The following DACH1 variants were observed in gnomAD, a reference collection of about 807,000 sequenced individuals.
DACH1 encodes dachshund homolog 1.
Under a neutral mutation model 54.2 loss-of-function variants are expected in DACH1, and 12 were observed. The observed-to-expected ratio is 0.22, with a 90% CI of 0.14 to 0.36. The LOEUF is 0.36. DACH1 is among the 10% of genes least tolerant of loss of function. The pLI is 1.00. For missense variants in DACH1, 805 were observed against 929.8 expected, an observed-to-expected ratio of 0.87 and a Z score of 1.75; for synonymous variants, 386 against 366.2, an observed-to-expected ratio of 1.05 and a Z score of -0.62.
chr13:71,700,507 G>T (rs1357251675), intron 1 of DACH1, among the ~76,000 whole-genome samples: 1 of 138,984 alleles, frequency 7.2e-6, no homozygotes, highest in East Asian at 2.2e-4. Flanking sequence ...AGTAAGCAGA[G>T]ATCGCACCAC....
intron 10 of DACH1, among the ~76,000 whole-genome samples, chr13:71,453,120 T>C (rs1226395785): frequency 6.6e-6 from 1 of 152,174 alleles, no homozygotes; most frequent in African/African-American, 2.4e-5. Flanking sequence ...AATGGGGTAC[T>C]TTGCACTTAG....
intron 1 of DACH1, among the ~76,000 whole-genome samples, chr13:71,744,417 C>T (rs976962019): frequency 3.3e-5 from 5 of 152,130 alleles, no homozygotes; most frequent in African/African-American, 1.2e-4. Context: ...AAAGCTGTAG[C>T]TGAGGAAGCA....
At chr13:71,612,500 T>C (rs1235176102) in intron 3 of DACH1, among the ~76,000 whole-genome samples, 3 of 152,100 alleles carry the variant, frequency 2.0e-5, no homozygotes, top group Non-Finnish European at 4.4e-5. Context: ...GACCTTATTT[T>C]CCCTACCTAA....
In DACH1 at chr13:71,572,825, T is replaced by TA. The variant is rs768386948; in HGVS notation, c.1299+14dup. 1.2e-6 allele frequency: 2 copies of TA among 1,601,038 alleles called. No homozygotes were observed. Among genetic ancestry groups the TA allele is most frequent in the Non-Finnish European group, 8.5e-7 (1 of 1,173,460 alleles). ...AGATGAACATGCCAAAATAATTGTA[T>TA]AAAAAAAGAATTACCTTAATAACTG... is the stretch of plus-strand genomic sequence containing the variant. On this transcript the variant is annotated intron_variant, in intron 4 of 10. Transcript: ENST00000613252.
chr13:71,858,342 A>C (rs1874134854), intron 1 of DACH1, among the ~76,000 whole-genome samples: 1 of 151,724 alleles, frequency 6.6e-6, no homozygotes, highest in African/African-American at 2.4e-5. Context: ...TTAATACTTC[A>C]TGTTTACCAC....
chr13:71,596,312 G>A (rs538045282), intron 3 of DACH1, among the ~76,000 whole-genome samples: 47 of 152,134 alleles, frequency 3.1e-4, no homozygotes, highest in African/African-American at 1.1e-3. Context: ...ACTGCATGCC[G>A]TGTGAGTCAC....
At chr13:71,614,928 G>GT (rs201566403) in intron 3 of DACH1, among the ~76,000 whole-genome samples, 348 of 140,888 alleles carry the variant, frequency 2.5e-3, no homozygotes, top group Middle Eastern at 4.0e-3. Flanking sequence ...GAATCTATCA[G>GT]TTTTTTTTTT....
At chr13:71,832,843 T>C (rs982170473) in intron 1 of DACH1, among the ~76,000 whole-genome samples, 22 of 152,084 alleles carry the variant, frequency 1.4e-4, no homozygotes, top group Admixed American at 1.3e-3. Flanking sequence ...CAAGCCAACA[T>C]TAAATTGCTT....
chr13:71,544,294 G>A (rs964128306), intron 6 of DACH1, among the ~76,000 whole-genome samples: 2 of 152,016 alleles, frequency 1.3e-5, no homozygotes, highest in Non-Finnish European at 2.9e-5. Context: ...TTTGAATAGA[G>A]GTTATAGTTT....
chr13:71,755,934 T>C (rs1035580021), intron 1 of DACH1, among the ~76,000 whole-genome samples: 2 of 152,164 alleles, frequency 1.3e-5, no homozygotes, highest in African/African-American at 2.4e-5. Flanking sequence ...TGAGACGGTA[T>C]GGAAAAAATA....
intron 6 of DACH1, among the ~76,000 whole-genome samples, chr13:71,527,938 G>A (rs989746186): frequency 6.6e-6 from 1 of 150,790 alleles, no homozygotes; most frequent in Non-Finnish European, 1.5e-5. Flanking sequence ...TTTTTTTAAA[G>A]AATCCCTTAA....
chr13:71,757,281 C>T (rs982676671), intron 1 of DACH1, among the ~76,000 whole-genome samples: 4 of 151,996 alleles, frequency 2.6e-5, no homozygotes, highest in African/African-American at 9.7e-5. Context: ...ACCCTAAATG[C>T]CATAAGCACT....
At chr13:71,657,559 T>C (rs1879201222) in intron 2 of DACH1, among the ~76,000 whole-genome samples, 1 of 141,352 alleles carries the variant, frequency 7.1e-6, no homozygotes, top group East Asian at 2.1e-4. Context: ...GGTGACAGAT[T>C]GAGACCCTGT....
chr13:71,517,916 A>T (rs1461654456), intron 6 of DACH1, among the ~76,000 whole-genome samples: 1 of 151,884 alleles, frequency 6.6e-6, no homozygotes, highest in Admixed American at 6.6e-5. Flanking sequence ...TTCTATTTTG[A>T]TTTATCTCAG....
At chr13:71,625,699 C>T (rs1400069006) in intron 3 of DACH1, among the ~76,000 whole-genome samples, 1 of 151,948 alleles carries the variant, frequency 6.6e-6, no homozygotes, top group South Asian at 2.1e-4. Flanking sequence ...GAAAAACAAT[C>T]ATATGTTTTG....
chr13:71,536,008 A>C (rs908841588), intron 6 of DACH1, among the ~76,000 whole-genome samples: 1 of 152,018 alleles, frequency 6.6e-6, no homozygotes, highest in Non-Finnish European at 1.5e-5. Flanking sequence ...ATTAATTCTC[A>C]TATTTGTTTT....
At position 71,654,389 on chromosome 13, in the gene DACH1, C is replaced by CAAAATAAAATAAAATAAAATAAAAT. The variant is rs540730866; in HGVS notation, c.965-23697_965-23673dup. 9.1e-4 allele frequency among the ~76,000 whole-genome samples: 55 copies of CAAAATAAAATAAAATAAAATAAAAT among 60,388 alleles called. 3 individuals are homozygous for CAAAATAAAATAAAATAAAATAAAAT. The highest frequency in any genetic ancestry group is 1.6e-3 in the Non-Finnish European group (48 of 30,408). The allele number at this position is 60,388 out of a possible 152,430, so 39.6% of individuals were successfully genotyped here. A position where few individuals can be genotyped will look rare whatever the true frequency, so the allele number is the denominator to read the frequency against. Reference sequence around the variant, plus strand: ...TGGGCGACAGAGTGAGACTCTGTCTCAAAATAAAATAAAATAAAATAAAAT... The same window carrying CAAAATAAAATAAAATAAAATAAAAT: ...TGGGCGACAGAGTGAGACTCTGTCTCAAAATAAAATAAAATAAAATAAAATAAAATAAAATAAAATAAAATAAAAT... On this transcript the variant is annotated intron_variant, in intron 2 of 10. Coordinates refer to ENST00000613252, the MANE Select transcript of DACH1 (RefSeq NM_080759.6).
intron 6 of DACH1, among the ~76,000 whole-genome samples, chr13:71,517,830 C>T (rs1243244374): frequency 1.3e-5 from 2 of 151,894 alleles, no homozygotes; most frequent in Non-Finnish European, 2.9e-5. Flanking sequence ...ATTAATTTTA[C>T]TCCTTGGCAC....
intron 6 of DACH1, among the ~76,000 whole-genome samples, chr13:71,552,567 G>A (rs939068859): frequency 2.0e-5 from 3 of 151,272 alleles, no homozygotes; most frequent in Non-Finnish European, 2.9e-5. Flanking sequence ...GTAAACTAGC[G>A]TCAGTGGACA....
Sources: gnomAD v4.1 joint callset for allele counts (sites outside exome capture counted in the v4.1 genomes callset) on GRCh38, gnomAD v4.1.1 for gene constraint, MANE v1.5 for transcripts, NCBI Gene and HGNC (gene_info 2026-07-23, HGNC 2026-07-21) for gene names.